PEAK1: variants seen among roughly 807,000 people sequenced by gnomAD.
The protein encoded by PEAK1 is pseudopodium enriched atypical kinase 1.
Under a neutral mutation model 124.7 loss-of-function variants are expected in PEAK1, and 54 were observed. That is an observed-to-expected ratio of 0.43 (90% CI 0.35 to 0.54). The LOEUF (loss-of-function observed/expected upper bound fraction) is 0.54, where lower values mean the gene tolerates loss of function less well. PEAK1 is among the 20% of genes least tolerant of loss of function. PEAK1 has a pLI of 0.01. For missense variants in PEAK1, 2,046 were observed against 2,134.5 expected (o/e 0.96, Z 0.82); for synonymous variants, 719 against 760.0 (o/e 0.95, Z 0.89).
At chr15:77,324,684 G>C (rs112065172) in intron 2 of PEAK1, among the ~76,000 whole-genome samples, 3,478 of 152,204 alleles carry the variant, frequency 0.023, 143 homozygotes, top group African/African-American at 0.079. Context: ...AAAGGGGGAG[G>C]AGGCATCACA....
At chr15:77,366,769 G>A (rs1246184642) in intron 1 of PEAK1, among the ~76,000 whole-genome samples, 2 of 152,092 alleles carry the variant, frequency 1.3e-5, no homozygotes, top group African/African-American at 2.4e-5. Flanking sequence ...TGTTGTCCAC[G>A]AAGACTGGTC....
In PEAK1 at chr15:77,133,132, A is replaced by G. The variant is rs1354516655; in HGVS notation, c.3950T>C (p.Leu1317Pro). The change falls in exon 9 of 10, where the codon CTC becomes CCC. Residue 1317 changes from leucine to proline, a missense_variant. Coordinates refer to ENST00000682557, the MANE Select transcript of PEAK1 (RefSeq NM_001385026.1). The surrounding 1 kb of genome is among the most constrained non-coding windows in gnomAD (Gnocchi z 4.2). Reference sequence around the variant, plus strand: ...TGACCAGCTGTCCACTCCAAAACGGAGCTGGTCTTTCTGCCCAGCCATGAA... The same window carrying G: ...TGACCAGCTGTCCACTCCAAAACGGGGCTGGTCTTTCTGCCCAGCCATGAA... Reference protein sequence around the residue: ...DLFMAGQKDQLRFGVDSWSDF... With the variant: ...DLFMAGQKDQPRFGVDSWSDF... 1.9e-6 allele frequency: 3 copies of G among 1,614,088 alleles called. No individual in the cohort carries two copies. The highest frequency in any genetic ancestry group is 2.5e-6 in the Non-Finnish European group (3 of 1,180,036).
At chr15:77,183,834 A>C (rs566890515) in intron 6 of PEAK1, among the ~76,000 whole-genome samples, 2 of 152,196 alleles carry the variant, frequency 1.3e-5, no homozygotes, top group South Asian at 4.2e-4. Context: ...ATGATTTTTG[A>C]TCTTTTTTTT....
intron 2 of PEAK1, among the ~76,000 whole-genome samples, chr15:77,321,013 T>C (rs1308649140): frequency 2.0e-5 from 3 of 152,240 alleles, no homozygotes; most frequent in African/African-American, 7.2e-5. Context: ...GGCTGCATAA[T>C]ACTCCATGGT....
chr15:77,122,475 T>A (rs1297181308), intron 9 of PEAK1, among the ~76,000 whole-genome samples: 1 of 152,152 alleles, frequency 6.6e-6, no homozygotes, highest in African/African-American at 2.4e-5. Flanking sequence ...CACAGAGTAG[T>A]CCAATAACCA....
chr15:77,413,221 T>C (rs2072556858), intron 1 of PEAK1, among the ~76,000 whole-genome samples: 1 of 152,220 alleles, frequency 6.6e-6, no homozygotes, highest in Non-Finnish European at 1.5e-5. Flanking sequence ...CCAATTACTG[T>C]GGTGGTTTTA....
At chr15:77,329,454 C>T (rs1201247450) in intron 2 of PEAK1, among the ~76,000 whole-genome samples, 2 of 152,072 alleles carry the variant, frequency 1.3e-5, no homozygotes, top group Non-Finnish European at 2.9e-5. Flanking sequence ...TGTCTGAATT[C>T]CACCCTGAAT....
intron 7 of PEAK1, among the ~76,000 whole-genome samples, chr15:77,166,514 C>G (rs1161385073): frequency 6.6e-6 from 1 of 152,182 alleles, no homozygotes; most frequent in Non-Finnish European, 1.5e-5. Flanking sequence ...GGAATTACCC[C>G]CTCCCAGTTG....
rs531455859 is a variant in PEAK1 at position 77,317,974 on chromosome 15, A to G, written c.-602-31470T>C. Among the ~76,000 whole-genome samples, 6 of 152,354 alleles carry G rather than the reference A, an allele frequency of 3.9e-5. No individual in the cohort carries two copies. In the South Asian group the frequency reaches 1.2e-3, roughly 32 times the overall value. The stretch of plus-strand genomic sequence containing the variant: ...ATTCCATTTATATAGCATTCTAAAA[A>G]TGATGACATTTCAGAAATGGAAAGC... On this transcript the variant is annotated intron_variant, in intron 2 of 9. Transcript: ENST00000682557.
Position 77,172,017 on chromosome 15 carries a change from C to A in PEAK1, c.3137+6773G>T, listed in dbSNP as rs184711014. Among the ~76,000 whole-genome samples the A allele has an allele frequency of 2.4e-4, 37 of 151,984 alleles. 1 individual carries two copies. The highest frequency in any genetic ancestry group is 1.5e-5 in the Non-Finnish European group (1 of 67,938). On this transcript the variant is annotated intron_variant, in intron 7 of 9. Transcript: ENST00000682557. Reference sequence around the variant, plus strand: ...ATCTGGTCTCACCCAGATTCATAAGCGGAAAAAGGAGGAGTATTTTAATAG... The same window carrying A: ...ATCTGGTCTCACCCAGATTCATAAGAGGAAAAAGGAGGAGTATTTTAATAG...
intron 1 of PEAK1, among the ~76,000 whole-genome samples, chr15:77,376,779 C>CTGAATCTCATCTACTGTATCACCTGCTG: frequency 6.6e-6 from 1 of 152,144 alleles, no homozygotes; most frequent in East Asian, 1.9e-4. Flanking sequence ...AAGATTGTTC[C>CTGAATCTCATCTACTGTATCACCTGCTG]ATTTGAAAAG....
rs16968724 is a variant in PEAK1, at chr15:77,240,748, C to T, written c.-115+11619G>A. 4.8e-3 allele frequency among the ~76,000 whole-genome samples: 728 copies of T among 152,174 alleles called. 4 individuals are homozygous for T. Among genetic ancestry groups the T allele is most frequent in the African/African-American group, 0.016 (676 of 41,510 alleles). The stretch of plus-strand genomic sequence containing the variant: ...CCTTCATTTAGAGACCTAAACTAAA[C>T]CTTAAGAGGGCCCAACTCTGGCTGA... On this transcript the variant is annotated intron_variant, in intron 6 of 9. Coordinates refer to ENST00000682557, the MANE Select transcript of PEAK1 (RefSeq NM_001385026.1).
In PEAK1 at chr15:77,365,184, C is replaced by T. The variant is rs2068138935; in HGVS notation, c.-624G>A. 1 of 981,098 alleles carries T rather than the reference C, an allele frequency of 1.0e-6. No homozygotes were observed. Among genetic ancestry groups the T allele is most frequent in the East Asian group, 1.1e-4 (1 of 8,772 alleles). 60.8% of individuals were successfully genotyped at this position (981,098 alleles called of 1,614,324 possible). ...TCACCTTTGGTTTTTAGATAAACCACAAAGAAATGTCTACAGCATAAGTTC... is the reference window on the plus strand; with the variant it reads ...TCACCTTTGGTTTTTAGATAAACCATAAAGAAATGTCTACAGCATAAGTTC... On this transcript the variant is annotated 5_prime_UTR_variant, in exon 2 of 10. The change creates a new upstream start codon in the 5' untranslated region. Coordinates refer to ENST00000682557, the MANE Select transcript of PEAK1 (RefSeq NM_001385026.1).
intron 1 of PEAK1, among the ~76,000 whole-genome samples, chr15:77,372,415 T>C (rs1373516028): frequency 1.3e-5 from 2 of 152,148 alleles, no homozygotes; most frequent in Non-Finnish European, 2.9e-5. Context: ...AGTTTCATGA[T>C]GTCAGCCAAA....
chr15:77,189,522 C>T (rs767894685), intron 6 of PEAK1, among the ~76,000 whole-genome samples: 7 of 152,246 alleles, frequency 4.6e-5, no homozygotes, highest in African/African-American at 1.7e-4. Flanking sequence ...GGCACACCCA[C>T]ACCTTCCCCT....
At chr15:77,359,806 A>T (rs562314288) in intron 2 of PEAK1, among the ~76,000 whole-genome samples, 13 of 152,316 alleles carry the variant, frequency 8.5e-5, no homozygotes, top group African/African-American at 2.9e-4. Context: ...ATGGAAAAAC[A>T]TTCAGTGTTT....
rs1313187921 is a variant in PEAK1, at chr15:77,133,738, G to A, written c.3344C>T (p.Ala1115Val). 1.9e-6 allele frequency: 3 copies of A among 1,595,416 alleles called. No homozygotes were observed. The highest frequency in any genetic ancestry group is 1.7e-6 in the Non-Finnish European group (2 of 1,173,060). The stretch of plus-strand genomic sequence containing the variant: ...TGGCTGCTTGGGAGGTATCATGGCT[G>A]CTCTAGATTGCCCTGTATTGTTTTT... ...ATYSNLGQSR[A>V]AMIPPKQPRQ... is the part of the protein sequence containing the mutation. Residue 1115 changes from alanine to valine, a missense_variant, in exon 9 of 10, where the codon GCA becomes GTA. Physicochemically the swap from Ala to Val is moderately conservative, Grantham distance 64 (BLOSUM62 0). Transcript: ENST00000682557. The surrounding 1 kb of genome is among the most constrained non-coding windows in gnomAD (Gnocchi z 4.2).
At chr15:77,366,852 C>T (rs144186309) in intron 1 of PEAK1, among the ~76,000 whole-genome samples, 31 of 152,302 alleles carry the variant, frequency 2.0e-4, no homozygotes, top group African/African-American at 6.0e-4. Context: ...ATGATCCATA[C>T]GCCCAGCAAT....
At chr15:77,124,323 A>G (rs2052186266) in intron 9 of PEAK1, among the ~76,000 whole-genome samples, 1 of 152,170 alleles carries the variant, frequency 6.6e-6, no homozygotes, top group Non-Finnish European at 1.5e-5. Context: ...CAAGTCTATG[A>G]CCACATTTCT....
Sources: allele counts gnomAD v4.1 joint callset (sites outside exome capture counted in the v4.1 genomes callset), GRCh38; gene constraint gnomAD v4.1.1; non-coding constraint Gnocchi (gnomAD v3.1); transcripts MANE v1.5; gene names NCBI Gene and HGNC (gene_info 2026-07-23, HGNC 2026-07-21).